VPS8: variants seen among roughly 807,000 people sequenced by gnomAD.
The protein encoded by VPS8 is vacuolar protein sorting-associated protein 8 homolog.
A neutral mutation model predicts 216.4 loss-of-function variants in VPS8; 129 were observed. The observed-to-expected ratio is 0.60, with a 90% CI of 0.52 to 0.69. VPS8 has a LOEUF of 0.69. Ranked by LOEUF, VPS8 falls within the 30% of genes least tolerant of loss-of-function variation. The pLI is 0.00. For synonymous variants in VPS8, 571 were observed against 565.4 expected (o/e 1.01, Z -0.14); for missense variants, 1,531 against 1,683.5 (o/e 0.91, Z 1.59).
At chr3:185,024,487 T>C (rs981980106) in intron 46 of VPS8, 98 bp downstream of exon 46, 2 of 1,294,808 alleles carry the variant, frequency 1.5e-6, no homozygotes, top group African/African-American at 3.0e-5. Context: ...TTTTTAATCA[T>C]CTTAATGCTG....
intron 1 of VPS8, chr3:184,817,138 T>C (rs1716501443): frequency 6.6e-6 from 1 of 152,212 alleles, no homozygotes; most frequent in Admixed American, 6.6e-5. Flanking sequence ...AGAATGGAAC[T>C]TGCACAGATG....
chr3:184,886,500 T>C (rs949725936), intron 22 of VPS8, among the ~76,000 whole-genome samples: 17 of 147,424 alleles, frequency 1.2e-4, no homozygotes, highest in South Asian at 6.3e-4. Context: ...TACACACACA[T>C]ATATATATAC....
chr3:184,966,121 G>A (rs1394971817), intron 38 of VPS8, among the ~76,000 whole-genome samples: 2 of 152,164 alleles, frequency 1.3e-5, no homozygotes, highest in Admixed American at 1.3e-4. Flanking sequence ...AGGACCTCAG[G>A]AAGCCAGGGT....
intron 8 of VPS8, among the ~76,000 whole-genome samples, chr3:184,847,692 G>T (rs943582349): frequency 6.6e-6 from 1 of 152,092 alleles, no homozygotes; most frequent in African/African-American, 2.4e-5. Flanking sequence ...TAATTTCATT[G>T]TTTTCAAGTG....
chr3:185,023,534 C>G (rs944580987), intron 45 of VPS8, among the ~76,000 whole-genome samples: 2 of 152,090 alleles, frequency 1.3e-5, no homozygotes, highest in Non-Finnish European at 2.9e-5. Flanking sequence ...TGGCGCATAC[C>G]TGTAATCCCA....
At chr3:184,998,456 C>G (rs893999846) in intron 44 of VPS8, among the ~76,000 whole-genome samples, 1 of 60,110 alleles carries the variant, frequency 1.7e-5, no homozygotes, top group Non-Finnish European at 3.7e-5. Flanking sequence ...GTAGCTACAA[C>G]AACAGAGTAT....
intron 23 of VPS8, among the ~76,000 whole-genome samples, chr3:184,896,122 C>G (rs1264623579): frequency 6.6e-6 from 1 of 152,032 alleles, no homozygotes; most frequent in Non-Finnish European, 1.5e-5. Flanking sequence ...TCTGGAAGCT[C>G]TTTATGAATG....
chr3:184,976,221 G>A (rs888231350), intron 40 of VPS8, among the ~76,000 whole-genome samples: 2 of 151,974 alleles, frequency 1.3e-5, no homozygotes, highest in Non-Finnish European at 2.9e-5. Flanking sequence ...TAATCACAGT[G>A]TTTTACCTAA....
chr3:185,013,715 A>C (rs976673978), intron 45 of VPS8, among the ~76,000 whole-genome samples: 1 of 152,210 alleles, frequency 6.6e-6, no homozygotes, highest in African/African-American at 2.4e-5. Flanking sequence ...TTGAGGTGCC[A>C]CTATACCGCC....
chr3:185,044,468 A>T (rs1267140163), intron 46 of VPS8, among the ~76,000 whole-genome samples: 1 of 152,158 alleles, frequency 6.6e-6, no homozygotes, highest in Non-Finnish European at 1.5e-5. Flanking sequence ...TGGTTATTAC[A>T]CGATCGATAA....
At chr3:184,886,338 A>G (rs889405463) in intron 22 of VPS8, among the ~76,000 whole-genome samples, 182 bp downstream of exon 22, 3 of 152,156 alleles carry the variant, frequency 2.0e-5, no homozygotes, top group African/African-American at 7.2e-5. Context: ...CCTAAGACAG[A>G]TGCTATGGAT....
chr3:184,940,268 C>CA, intron 36 of VPS8, 25 bp downstream of exon 36: 1 of 692,230 alleles, frequency 1.4e-6, no homozygotes, highest in Non-Finnish European at 2.0e-6. Flanking sequence ...TTTAGTCTTT[C>CA]ATTATATATA....
In VPS8 at chr3:184,826,140, C is replaced by T. The variant is rs1275717493; in HGVS notation, c.154-23C>T. ...AAGCAGAAAGGCATCATTTTGTGAG[C>T]ACTATTTTTTTTCTTTATTTAGATT... On this transcript the variant is annotated intron_variant, in intron 2 of 47. Coordinates refer to ENST00000625842, the MANE Select transcript of VPS8 (RefSeq NM_001009921.3). 5 of 1,560,986 alleles carry T rather than the reference C, an allele frequency of 3.2e-6. No homozygotes were observed. The Admixed American group carries it at 8.7e-5, about 27-fold the overall frequency.
intron 21 of VPS8, among the ~76,000 whole-genome samples, chr3:184,878,354 C>T (rs764917141): frequency 6.6e-6 from 1 of 152,124 alleles, no homozygotes; most frequent in Admixed American, 6.5e-5. Context: ...CATGATCCAC[C>T]CGCCTCGGCC....
At chr3:184,834,489 T>TA (rs1577793197) in intron 4 of VPS8, among the ~76,000 whole-genome samples, 160 bp from the exon 5 acceptor site, 2 of 152,082 alleles carry the variant, frequency 1.3e-5, no homozygotes, top group South Asian at 2.1e-4. Flanking sequence ...CCCTAAAACT[T>TA]AAAGTATAAT....
chr3:184,877,239 C>T (rs1729430552), intron 21 of VPS8, among the ~76,000 whole-genome samples: 1 of 152,174 alleles, frequency 6.6e-6, no homozygotes, highest in Admixed American at 6.5e-5. Flanking sequence ...AAATACTATG[C>T]ACTGAAGTCA....
At chr3:184,995,042 C>G (rs1935697936) in intron 43 of VPS8, among the ~76,000 whole-genome samples, 1 of 152,234 alleles carries the variant, frequency 6.6e-6, no homozygotes, top group Non-Finnish European at 1.5e-5. Context: ...ATTCAGTTAC[C>G]TCCCACTGGG....
intron 36 of VPS8, among the ~76,000 whole-genome samples, chr3:184,943,121 A>G (rs1354144713): frequency 6.6e-6 from 1 of 152,208 alleles, no homozygotes; most frequent in Admixed American, 6.5e-5. Flanking sequence ...ACACTCAGAT[A>G]TAGAGTGTTC....
intron 21 of VPS8, among the ~76,000 whole-genome samples, chr3:184,883,154 A>G (rs960072396): frequency 6.6e-6 from 1 of 152,118 alleles, no homozygotes; most frequent in Non-Finnish European, 1.5e-5. Flanking sequence ...TTTAAACCCC[A>G]GTGACTTTTC....
Sources: allele counts gnomAD v4.1 joint callset (sites outside exome capture counted in the v4.1 genomes callset), GRCh38; gene constraint gnomAD v4.1.1; transcripts MANE v1.5; gene names NCBI Gene and HGNC (gene_info 2026-07-23, HGNC 2026-07-21).